Variants in SPINK5 observed in about 807,000 individuals in gnomAD.
SPINK5 encodes serine protease inhibitor Kazal-type 5.
A neutral mutation model predicts 151.8 loss-of-function variants in SPINK5; 125 were observed. That is an observed-to-expected ratio of 0.82 (90% CI 0.71 to 0.96). The LOEUF (loss-of-function observed/expected upper bound fraction) is 0.96, where lower values mean the gene tolerates loss of function less well. SPINK5 is among the 40% of genes least tolerant of loss of function. The pLI is 0.00. For synonymous variants in SPINK5, 374 were observed against 395.3 expected, an observed-to-expected ratio of 0.95 and a Z score of 0.64; for missense variants, 1,194 against 1,291.9, an observed-to-expected ratio of 0.92 and a Z score of 1.16.
At position 148,116,550 on chromosome 5, in the gene SPINK5, T is replaced by C. The variant is rs1051445751; in HGVS notation, c.2112+84T>C. ...TGTGAATAGCGTATATAGTCTATGG[T>C]AAAGGCAGTGCTAAGTCCTTGAGAG... On this transcript the variant is annotated intron_variant, in intron 22 of 32. Coordinates refer to ENST00000256084, the MANE Select transcript of SPINK5 (RefSeq NM_006846.4). The C allele has an allele frequency of 5.2e-6, 7 of 1,343,492 alleles. No individual in the cohort carries two copies. The African/African-American group carries it at 1.0e-4, about 19-fold the overall frequency. 83.2% of individuals were successfully genotyped at this position (1,343,492 alleles called of 1,614,324 possible). A position where few individuals can be genotyped will look rare whatever the true frequency, so the allele number is the denominator to read the frequency against.
At chr5:148,085,376 T>A (rs921641141) in intron 4 of SPINK5, among the ~76,000 whole-genome samples, 3 of 151,988 alleles carry the variant, frequency 2.0e-5, no homozygotes, top group African/African-American at 7.2e-5. Flanking sequence ...CAATGTGATA[T>A]TCTAAAGAAA....
At chr5:148,109,750 C>A (rs1340095959) in intron 18 of SPINK5, among the ~76,000 whole-genome samples, 1 of 152,040 alleles carries the variant, frequency 6.6e-6, no homozygotes, top group Non-Finnish European at 1.5e-5. Flanking sequence ...TACCTTTGCT[C>A]TCTACAATCT....
In SPINK5 at chr5:148,100,521, C is replaced by T. The variant is rs1753610354; in HGVS notation, c.1160C>T (p.Pro387Leu). ...GKLACTREND[P>L]IQGPDGKVHG... ...CTTGCTTGCACCAGAGAGAACGATC[C>T]TATCCAGGGCCCAGATGGGAAAGTG... Residue 387 changes from proline (P) to leucine (L), a missense_variant, in exon 13 of 33, where the codon CCT (proline) becomes CTT (leucine). By Grantham distance (98) the Pro-to-Leu change is moderately conservative. Transcript: ENST00000256084. The T allele has an allele frequency of 3.7e-6, 6 of 1,613,346 alleles. No homozygotes were observed. Among genetic ancestry groups the T allele is most frequent in the Middle Eastern group, 1.7e-4 (1 of 6,052 alleles).
chr5:148,120,359 A>G lies in SPINK5; in HGVS notation c.2506A>G (p.Ser836Gly), dbSNP rs966183169. 8 of 1,602,926 alleles carry G rather than the reference A, an allele frequency of 5.0e-6. No individual in the cohort carries two copies. Among genetic ancestry groups the G allele is most frequent in the Non-Finnish European group, 6.8e-6 (8 of 1,173,802 alleles). ...DEDRSNTGER[S>G]NTGERSNDKE... ...AGACAGGAGCAATACAGGAGAAAGG[A>G]GCAATACAGGAGAAAGGAGCAATGA... is the stretch of plus-strand genomic sequence containing the variant. Residue 836 changes from serine (S) to glycine (G), a missense_variant, in exon 26 of 33, where the codon AGC (serine) becomes GGC (glycine). Ser to Gly is a moderately conservative substitution (Grantham distance 56). Transcript: ENST00000256084.
In SPINK5 at chr5:148,136,969, A is replaced by G; in HGVS notation, c.3187-14A>G. Reference sequence around the variant, plus strand: ...CTGGGTTCTAGCATCTAACCTACCCATCTTCTCTTCTAGGACGAATGACAG... The same window carrying G: ...CTGGGTTCTAGCATCTAACCTACCCGTCTTCTCTTCTAGGACGAATGACAG... On this transcript the variant is annotated splice_polypyrimidine_tract_variant and intron_variant, in intron 32 of 32. Transcript: ENST00000256084. 1 of 1,613,710 alleles carries G rather than the reference A, an allele frequency of 6.2e-7. No homozygotes were observed. The highest frequency in any genetic ancestry group is 8.5e-7 in the Non-Finnish European group (1 of 1,179,666).
chr5:148,067,124 C>G (rs1292315841), intron 2 of SPINK5, among the ~76,000 whole-genome samples: 2 of 152,210 alleles, frequency 1.3e-5, no homozygotes, highest in African/African-American at 4.8e-5. Flanking sequence ...CTTAAGCATG[C>G]TTAAATTTGT....
chr5:148,117,592 A>T (rs1215179745), intron 22 of SPINK5, among the ~76,000 whole-genome samples: 1 of 152,222 alleles, frequency 6.6e-6, no homozygotes, highest in African/African-American at 2.4e-5. Context: ...AACAGGAAGC[A>T]GGAAAGATCT....
intron 1 of SPINK5, among the ~76,000 whole-genome samples, chr5:148,064,729 T>C (rs912024495): frequency 3.9e-5 from 6 of 152,096 alleles, no homozygotes; most frequent in South Asian, 2.1e-4. Flanking sequence ...AAAGAGAAAC[T>C]CATAGATAGT....
chr5:148,131,319 G>T lies in SPINK5; in HGVS notation c.3025G>T (p.Asp1009Tyr), dbSNP rs1222355841. Residue 1009 changes from aspartate (D) to tyrosine (Y), a missense_variant, in exon 31 of 33, where the codon GAT becomes TAT. Transcript: ENST00000256084. Reference sequence around the variant, plus strand: ...CAGGATAGGTTATCTTTGTCCAAAGGATTTAAAGCCTGTCTGTGGTGACGA... The same window carrying T: ...CAGGATAGGTTATCTTTGTCCAAAGTATTTAAAGCCTGTCTGTGGTGACGA... ...LPRIGYLCPK[D>Y]LKPVCGDDGQ... 1 of 1,613,826 alleles carries T rather than the reference G, an allele frequency of 6.2e-7. No homozygotes were observed. Among genetic ancestry groups the T allele is most frequent in the African/African-American group, 1.3e-5 (1 of 74,902 alleles).
At chr5:148,123,228 T>C (rs1754320494) in intron 26 of SPINK5, among the ~76,000 whole-genome samples, 1 of 151,490 alleles carries the variant, frequency 6.6e-6, no homozygotes, top group African/African-American at 2.4e-5. Context: ...GGCACATGCC[T>C]GTAGTTCTAG....
At chr5:148,118,149 G>T (rs1464866489) in intron 22 of SPINK5, among the ~76,000 whole-genome samples, 1 of 152,092 alleles carries the variant, frequency 6.6e-6, no homozygotes, top group African/African-American at 2.4e-5. Context: ...CTCCCAAGTA[G>T]CTGGGATTAC....
intron 4 of SPINK5, among the ~76,000 whole-genome samples, chr5:148,074,134 T>C (rs925543679): frequency 6.6e-6 from 1 of 151,874 alleles, no homozygotes; most frequent in Non-Finnish European, 1.5e-5. Flanking sequence ...CTGCTTAGAC[T>C]CCGCCCATCA....
At chr5:148,107,678 G>A (rs1172572689) in intron 17 of SPINK5, among the ~76,000 whole-genome samples, 1 of 152,142 alleles carries the variant, frequency 6.6e-6, no homozygotes, top group Admixed American at 6.5e-5. Context: ...GTGGTTTAGT[G>A]TGGAGTAAAA....
At chr5:148,099,177 G>A (rs1213157279) in intron 11 of SPINK5, 57 bp from the exon 12 acceptor site, 70 of 1,494,260 alleles carry the variant, frequency 4.7e-5, no homozygotes, top group Middle Eastern at 3.4e-4. Flanking sequence ...AGGATGTGGA[G>A]AAATCATGGC....
At chr5:148,099,379 A>G (rs754638256) in intron 12 of SPINK5, 64 bp downstream of exon 12, 3 of 1,444,732 alleles carry the variant, frequency 2.1e-6, no homozygotes, top group Non-Finnish European at 2.9e-6. Context: ...TTAAGAGCCT[A>G]AAGGGTGAGA....
chr5:148,088,228 T>C (rs1381478057), intron 5 of SPINK5, among the ~76,000 whole-genome samples: 1 of 151,858 alleles, frequency 6.6e-6, no homozygotes, highest in Non-Finnish European at 1.5e-5. Flanking sequence ...CTGAGTGTTA[T>C]CTATTATCCA....
rs1420661850 is a variant in SPINK5, at chr5:148,101,890, C to G, written c.1412C>G (p.Ser471Cys). 3 of 1,613,638 alleles carry G rather than the reference C, an allele frequency of 1.9e-6. No individual in the cohort carries two copies. Among genetic ancestry groups the G allele is most frequent in the Non-Finnish European group, 2.5e-6 (3 of 1,179,690 alleles). ...GGAAAAATGCATGGCAACACCTGCT[C>G]CATGTGTGAGGCCTTCTTGTGAGTA... Reference protein sequence around the residue: ...PDGKMHGNTCSMCEAFFQQEE... With the variant: ...PDGKMHGNTCCMCEAFFQQEE... The change falls in exon 15 of 33, where the codon TCC becomes TGC. Residue 471 changes from serine to cysteine, a missense_variant. Transcript: ENST00000256084.
intron 18 of SPINK5, 42 bp from the exon 19 acceptor site, chr5:148,111,726 A>G: frequency 6.2e-7 from 1 of 1,613,484 alleles, no homozygotes; most frequent in East Asian, 2.2e-5. Context: ...TCTAGTGTTT[A>G]GTTATTGGAC....
chr5:148,118,395 G>C lies in SPINK5; in HGVS notation c.2113-42G>C, dbSNP rs751120525. 7.4e-6 allele frequency: 12 copies of C among 1,612,976 alleles called. No homozygotes were observed. The Admixed American group carries it at 1.8e-4, about 25-fold the overall frequency. ...AAAACAATTTACTAAGAATACAGTA[G>C]ACTAAGTAATCCAGGGGCTCTTCGT... On this transcript the variant is annotated intron_variant, in intron 22 of 32. Coordinates refer to ENST00000256084, the MANE Select transcript of SPINK5 (RefSeq NM_006846.4).
Sources: gnomAD v4.1 joint callset for allele counts (sites outside exome capture counted in the v4.1 genomes callset) on GRCh38, gnomAD v4.1.1 for gene constraint, MANE v1.5 for transcripts, NCBI Gene and HGNC (gene_info 2026-07-23, HGNC 2026-07-21) for gene names.